TRIM71: variants seen among roughly 807,000 people sequenced by gnomAD.
TRIM71 encodes tripartite motif containing 71, also known as E3 ubiquitin-protein ligase TRIM71.
In TRIM71, 9 loss-of-function variants were observed where a neutral mutation model predicts 61.2. The observed-to-expected ratio is 0.15, with a 90% CI of 0.09 to 0.26. TRIM71 has a LOEUF of 0.26. Among genes scored for constraint, TRIM71 ranks in the 10% least tolerant of loss-of-function variants. The pLI is 1.00. For synonymous variants in TRIM71, 645 were observed against 553.2 expected, an observed-to-expected ratio of 1.17 and a Z score of -2.33; for missense variants, 998 against 1,238.7, an observed-to-expected ratio of 0.81 and a Z score of 2.92.
At chr3:32,843,780 C>T (rs1696438337) in intron 1 of TRIM71, among the ~76,000 whole-genome samples, 1 of 152,176 alleles carries the variant, frequency 6.6e-6, no homozygotes, top group Admixed American at 6.5e-5. Context: ...AGGGAACCTC[C>T]CTGAGCTCCT....
At chr3:32,875,393 A>G (rs112381747) in intron 2 of TRIM71, among the ~76,000 whole-genome samples, 53 of 152,354 alleles carry the variant, frequency 3.5e-4, no homozygotes, top group African/African-American at 1.2e-3. Context: ...AGGTTTTAGG[A>G]AATCAGAAAA....
At chr3:32,847,007 A>G (rs982548131) in intron 1 of TRIM71, among the ~76,000 whole-genome samples, 1 of 152,066 alleles carries the variant, frequency 6.6e-6, no homozygotes, top group African/African-American at 2.4e-5. Context: ...ATATATACCC[A>G]GAAGTGGGAT....
chr3:32,852,203 C>T (rs528842216), intron 1 of TRIM71, among the ~76,000 whole-genome samples: 1 of 152,154 alleles, frequency 6.6e-6, no homozygotes, highest in Admixed American at 6.5e-5. Context: ...AAATTGGGGA[C>T]AGGGACAGTG....
At chr3:32,872,232 A>G (rs1288040116) in intron 1 of TRIM71, among the ~76,000 whole-genome samples, 3 of 152,180 alleles carry the variant, frequency 2.0e-5, no homozygotes, top group African/African-American at 4.8e-5. Context: ...AAAACACAAT[A>G]TCCTAAATCT....
rs1253471024 is a variant in TRIM71 at position 32,821,819 on chromosome 3, T to A, written c.852+2887T>A. Among the ~76,000 whole-genome samples the A allele has an allele frequency of 3.3e-5, 5 of 151,278 alleles. 1 individual carries two copies. The highest frequency in any genetic ancestry group is 9.7e-5 in the African/African-American group (4 of 41,410). On this transcript the variant is annotated intron_variant, in intron 1 of 3. Coordinates refer to ENST00000383763, the MANE Select transcript of TRIM71 (RefSeq NM_001039111.3). ...GGCGCAGGTAGAGTCGCCGCGGGCCTGCGCCGCCGCCCGGCCAGCCCGGAG... is the reference window on the plus strand; with the variant it reads ...GGCGCAGGTAGAGTCGCCGCGGGCCAGCGCCGCCGCCCGGCCAGCCCGGAG...
chr3:32,842,113 A>T (rs1387628721), intron 1 of TRIM71, among the ~76,000 whole-genome samples: 2 of 152,240 alleles, frequency 1.3e-5, no homozygotes, highest in Admixed American at 6.5e-5. Context: ...AGAGAAAGGA[A>T]ACTCTCAGTG....
intron 1 of TRIM71, among the ~76,000 whole-genome samples, chr3:32,839,661 T>TGG (rs60098058): frequency 5.3e-4 from 42 of 78,578 alleles, no homozygotes; most frequent in East Asian, 4.2e-3. Context: ...GAGCTTTTTT[T>TGG]GGGGGGGGGG....
intron 2 of TRIM71, among the ~76,000 whole-genome samples, chr3:32,877,317 T>C (rs1379522290): frequency 6.6e-6 from 1 of 152,148 alleles, no homozygotes; most frequent in Non-Finnish European, 1.5e-5. Context: ...TTGGTCAGGC[T>C]GGTCTCGAAC....
intron 1 of TRIM71, 50 bp from the exon 2 acceptor site, chr3:32,873,768 T>A: frequency 1.4e-6 from 2 of 1,413,752 alleles, no homozygotes. Context: ...TCTTCCCTCC[T>A]CCTCCCGTCC....
At position 32,891,682 on chromosome 3, in the gene TRIM71, C is replaced by T; in HGVS notation, c.2478C>T (p.Ser826=). The T allele has an allele frequency of 3.1e-6, 5 of 1,614,034 alleles. No homozygotes were observed. Among genetic ancestry groups the T allele is most frequent in the Non-Finnish European group, 4.2e-6 (5 of 1,179,940 alleles). Residue 826 remains serine (S), a synonymous_variant, in exon 4 of 4, where the codon AGC becomes AGT. Transcript: ENST00000383763. This position sits in a 1 kb window ranked among gnomAD's most constrained non-coding sequence, Gnocchi z 8.2. ...TACAGATGTTTGAATCCAACGGCAGCTTCCTGTGCAAGTTTGGTGCTCAAG... is the reference window on the plus strand; with the variant it reads ...TACAGATGTTTGAATCCAACGGCAGTTTCCTGTGCAAGTTTGGTGCTCAAG... The part of the protein sequence containing the change: ...HRVQMFESNG[S]FLCKFGAQGS...
At chr3:32,882,427 C>G (rs962107677) in intron 2 of TRIM71, among the ~76,000 whole-genome samples, 1 of 152,114 alleles carries the variant, frequency 6.6e-6, no homozygotes, top group African/African-American at 2.4e-5. Flanking sequence ...ACTCTTTGGG[C>G]TCTAACCCTG....
At chr3:32,868,493 G>GT (rs1696762558) in intron 1 of TRIM71, among the ~76,000 whole-genome samples, 1 of 152,092 alleles carries the variant, frequency 6.6e-6, no homozygotes, top group Non-Finnish European at 1.5e-5. Context: ...TTAAGTTGTG[G>GT]TACATTCATA....
rs1212387883 is a variant in TRIM71, at chr3:32,891,189, A to G, written c.1985A>G (p.Asp662Gly). The G allele has an allele frequency of 6.2e-7, 1 of 1,613,668 alleles. No homozygotes were observed. Among genetic ancestry groups the G allele is most frequent in the East Asian group, 2.2e-5 (1 of 44,870 alleles). Residue 662 changes from aspartate (D) to glycine (G), a missense_variant, in exon 4 of 4, where the codon GAC becomes GGC. Asp to Gly is a moderately conservative substitution (Grantham distance 94, BLOSUM62 -1). Transcript: ENST00000383763. This position sits in a 1 kb window ranked among gnomAD's most constrained non-coding sequence, Gnocchi z 8.2. ...GACCGACCAGCCGGCGTGGCCTGTG[A>G]CGCCTCACGCAGGATCGTGGTGGCT... ...QFDRPAGVAC[D>G]ASRRIVVADK...
At chr3:32,855,801 A>AG (rs1696595830) in intron 1 of TRIM71, among the ~76,000 whole-genome samples, 1 of 152,110 alleles carries the variant, frequency 6.6e-6, no homozygotes, top group Non-Finnish European at 1.5e-5. Context: ...TGTGGTACAC[A>AG]GGGCTAATGA....
Position 32,818,028 on chromosome 3 carries a change from C to T in TRIM71, c.-53C>T, listed in dbSNP as rs75296584. The T allele has an allele frequency of 0.014, 21,720 of 1,556,456 alleles. 387 individuals are homozygous for T. Among genetic ancestry groups the T allele is most frequent in the East Asian group, 0.1 (4,446 of 42,842 alleles). The stretch of plus-strand genomic sequence containing the variant: ...CCACCCACCTCGTCCGCTCTCTCCT[C>T]CTCCTCCTCCTCTTCCTCTCTGGTC... On this transcript the variant is annotated 5_prime_UTR_variant, in exon 1 of 4. Transcript: ENST00000383763.
chr3:32,825,621 C>T (rs564140352), intron 1 of TRIM71, among the ~76,000 whole-genome samples: 3 of 152,270 alleles, frequency 2.0e-5, no homozygotes, highest in African/African-American at 7.2e-5. Context: ...CCACTCCCAC[C>T]CATAAAACTA....
chr3:32,865,491 A>C (rs1441876955), intron 1 of TRIM71, among the ~76,000 whole-genome samples: 3 of 152,174 alleles, frequency 2.0e-5, no homozygotes, highest in Non-Finnish European at 4.4e-5. Context: ...CATATTCATG[A>C]AACTACTTTG....
At chr3:32,868,326 TC>T (rs1436347834) in intron 1 of TRIM71, among the ~76,000 whole-genome samples, 1 of 152,168 alleles carries the variant, frequency 6.6e-6, no homozygotes, top group African/African-American at 2.4e-5. Flanking sequence ...CAAGTAGGTT[TC>T]CCCCAATAAC....
Position 32,897,634 on chromosome 3 carries a change from C to T in TRIM71, c.*5823C>T, listed in dbSNP as rs1211114844. 1 of 152,114 alleles carries T rather than the reference C, an allele frequency of 6.6e-6. No homozygotes were observed. The highest frequency in any genetic ancestry group is 1.5e-5 in the Non-Finnish European group (1 of 68,042). 9.4% of individuals were successfully genotyped at this position (152,114 alleles called of 1,614,324 possible). On this transcript the variant is annotated 3_prime_UTR_variant, in exon 4 of 4. Coordinates refer to ENST00000383763, the MANE Select transcript of TRIM71 (RefSeq NM_001039111.3). ...ACCAATGGAAAAGTGTTCAAAAACT[C>T]CTGTGTTAGCTAACAGGCTTCTGAA...
Sources: gnomAD v4.1 joint callset for allele counts (sites outside exome capture counted in the v4.1 genomes callset) on GRCh38, gnomAD v4.1.1 for gene constraint, Gnocchi (gnomAD v3.1) non-coding constraint, MANE v1.5 for transcripts, NCBI Gene and HGNC (gene_info 2026-07-23, HGNC 2026-07-21) for gene names.